TOP2B: variants seen among roughly 807,000 people sequenced by gnomAD.
The protein encoded by TOP2B is DNA topoisomerase 2-beta.
In TOP2B, 51 loss-of-function variants were observed where a neutral mutation model predicts 193.5. The observed-to-expected ratio is 0.26, with a 90% confidence interval of 0.21 to 0.33. TOP2B has a LOEUF of 0.33. Ranked by LOEUF, TOP2B falls within the 10% of genes least tolerant of loss-of-function variation. The pLI, the probability that TOP2B is intolerant of heterozygous loss-of-function variation, is 1.00. For synonymous variants in TOP2B, 634 were observed against 635.7 expected (o/e 1.00, Z 0.04); for missense variants, 1,378 against 1,909.3 (o/e 0.72, Z 5.19).
intron 1 of TOP2B, among the ~76,000 whole-genome samples, chr3:25,659,799 T>C (rs1490630126): frequency 2.6e-5 from 4 of 152,212 alleles, no homozygotes; most frequent in African/African-American, 9.6e-5. Flanking sequence ...GTATAAAAGA[T>C]GAGTTGTTTT....
intron 21 of TOP2B, 121 bp from the exon 22 acceptor site, chr3:25,620,937 T>C: frequency 9.8e-7 from 1 of 1,019,460 alleles, no homozygotes; most frequent in Non-Finnish European, 1.4e-6. Flanking sequence ...AATTGTCCCT[T>C]TCCAACTGAT....
chr3:25,658,689 T>C (rs1295203508), intron 1 of TOP2B, among the ~76,000 whole-genome samples: 40 of 152,198 alleles, frequency 2.6e-4, no homozygotes, highest in Admixed American at 2.5e-3. Flanking sequence ...TATGGCACTT[T>C]TGCAATATTG....
chr3:25,600,224 T>C (rs1262132872), intron 34 of TOP2B, among the ~76,000 whole-genome samples: 1 of 152,158 alleles, frequency 6.6e-6, no homozygotes, highest in African/African-American at 2.4e-5. Flanking sequence ...CCAGATGTTC[T>C]CCATCCCACA....
intron 33 of TOP2B, 121 bp from the exon 34 acceptor site, chr3:25,601,346 G>T: frequency 5.6e-6 from 7 of 1,240,408 alleles, no homozygotes; most frequent in Non-Finnish European, 7.6e-6. Context: ...GGCTGGGCGT[G>T]GTGGCTCACA....
intron 28 of TOP2B, among the ~76,000 whole-genome samples, chr3:25,611,676 T>C (rs1702374792): frequency 6.6e-6 from 1 of 152,036 alleles, no homozygotes; most frequent in Non-Finnish European, 1.5e-5. Flanking sequence ...TGAGGTTAGG[T>C]CAACGCCATT....
At chr3:25,657,134 C>T (rs1376441527) in intron 1 of TOP2B, among the ~76,000 whole-genome samples, 2 of 152,220 alleles carry the variant, frequency 1.3e-5, no homozygotes, top group Non-Finnish European at 2.9e-5. Context: ...TAGTGGCAAA[C>T]ACAGGAGGTT....
chr3:25,652,577 A>G (rs1470428858), intron 1 of TOP2B, among the ~76,000 whole-genome samples: 1 of 152,216 alleles, frequency 6.6e-6, no homozygotes, highest in Non-Finnish European at 1.5e-5. Flanking sequence ...CATATAACCA[A>G]TGGGTGAGAG....
At chr3:25,661,649 CTTTT>C (rs111795850) in intron 1 of TOP2B, among the ~76,000 whole-genome samples, 2 of 152,110 alleles carry the variant, frequency 1.3e-5, no homozygotes, top group African/African-American at 4.8e-5. Flanking sequence ...ATATTTTTCA[CTTTT>C]TTTAATTATA....
At chr3:25,650,719 CTT>C (rs1703562821) in intron 1 of TOP2B, among the ~76,000 whole-genome samples, 1 of 152,196 alleles carries the variant, frequency 6.6e-6, no homozygotes, top group Non-Finnish European at 1.5e-5. Flanking sequence ...CATGATTAAT[CTT>C]TTCCTGACAA....
intron 27 of TOP2B, among the ~76,000 whole-genome samples, chr3:25,613,846 T>G (rs981291091): frequency 1.3e-5 from 2 of 152,158 alleles, no homozygotes; most frequent in Admixed American, 1.3e-4. Context: ...AGAAGATGAG[T>G]AATTCTATAA....
At chr3:25,634,791 A>ATAC (rs1553642259) in intron 7 of TOP2B, among the ~76,000 whole-genome samples, 1 of 138,432 alleles carries the variant, frequency 7.2e-6, no homozygotes, top group Non-Finnish European at 1.5e-5. Context: ...AAAAAAAAAA[A>ATAC]AAAAAACCAA....
At chr3:25,615,618 CTTG>C in intron 25 of TOP2B, 32 bp from the exon 26 acceptor site, 1 of 1,436,984 alleles carries the variant, frequency 7.0e-7, no homozygotes, top group Non-Finnish European at 9.2e-7. Flanking sequence ...ATATTAAAGT[CTTG>C]TATAGTATCA....
In TOP2B at chr3:25,615,568, T is replaced by C; in HGVS notation, c.3370A>G (p.Thr1124Ala). The change falls in exon 26 of 36, where the codon ACA becomes GCA. Residue 1124 changes from threonine (T) to alanine (A), a missense_variant. Coordinates refer to ENST00000264331, the MANE Select transcript of TOP2B (RefSeq NM_001330700.2). ...AQEKAAEEDE[T>A]QNQHDDSSSD... ...GAACTATCATCATGCTGGTTTTGTG[T>C]TTCATCCTCTTCTGCTGCCTGTAAA... 1 of 1,561,914 alleles carries C rather than the reference T, an allele frequency of 6.4e-7. No individual in the cohort carries two copies. Among genetic ancestry groups the C allele is most frequent in the Non-Finnish European group, 8.7e-7 (1 of 1,154,878 alleles).
chr3:25,609,737 C>A, intron 28 of TOP2B, 25 bp from the exon 29 acceptor site: 3 of 1,415,986 alleles, frequency 2.1e-6, no homozygotes, highest in South Asian at 1.6e-5. Flanking sequence ...GAAAATCAAG[C>A]CACGAGTAAA....
intron 1 of TOP2B, among the ~76,000 whole-genome samples, chr3:25,649,608 AG>A (rs770568661): frequency 1.5e-5 from 2 of 132,088 alleles, no homozygotes. Context: ...AAGTACTGAA[AG>A]AAAAAAAAAA....
intron 5 of TOP2B, among the ~76,000 whole-genome samples, chr3:25,637,907 C>T (rs1385313904): frequency 6.6e-6 from 1 of 151,886 alleles, no homozygotes; most frequent in African/African-American, 2.4e-5. Context: ...CATACCAGTC[C>T]TATCTAAATC....
At chr3:25,602,605 G>A (rs999071825) in intron 33 of TOP2B, among the ~76,000 whole-genome samples, 1 of 152,028 alleles carries the variant, frequency 6.6e-6, no homozygotes, top group Non-Finnish European at 1.5e-5. Flanking sequence ...AGGAGCCCTA[G>A]GAAAGTGGCA....
rs571312548 is a variant in TOP2B at position 25,646,212 on chromosome 3, A to G, written c.70-742T>C. ...AAGCTTCCCACCATTAAGCTACTGAAGACTACAGTATAAACAAAAATGACC... is the reference window on the plus strand; with the variant it reads ...AAGCTTCCCACCATTAAGCTACTGAGGACTACAGTATAAACAAAAATGACC... On this transcript the variant is annotated intron_variant, in intron 1 of 35. Transcript: ENST00000264331. 2.0e-5 allele frequency among the ~76,000 whole-genome samples: 3 copies of G among 152,182 alleles called. No homozygotes were observed. The South Asian group carries it at 6.2e-4, about 32-fold the overall frequency.
chr3:25,657,918 G>C (rs1040646047), intron 1 of TOP2B, among the ~76,000 whole-genome samples: 1 of 145,130 alleles, frequency 6.9e-6, no homozygotes, highest in Non-Finnish European at 1.5e-5. Context: ...AAAATTAGCC[G>C]GGCGTAGTGG....
Sources: allele counts gnomAD v4.1 joint callset (sites outside exome capture counted in the v4.1 genomes callset), GRCh38; gene constraint gnomAD v4.1.1; transcripts MANE v1.5; gene names NCBI Gene and HGNC (gene_info 2026-07-23, HGNC 2026-07-21).